KIFC3: variants seen among roughly 807,000 people sequenced by gnomAD.
KIFC3 encodes the protein kinesin-like protein KIFC3.
Under a neutral mutation model 101.8 loss-of-function variants are expected in KIFC3, and 60 were observed. The observed-to-expected ratio is 0.59, with a 90% CI of 0.48 to 0.73. The LOEUF (loss-of-function observed/expected upper bound fraction) is 0.73. KIFC3 is among the 30% of genes least tolerant of loss of function. The pLI is 0.00. For synonymous variants in KIFC3, 476 were observed against 482.7 expected (o/e 0.99, Z 0.18); for missense variants, 966 against 1,137.1 (o/e 0.85, Z 2.16).
intron 9 of KIFC3, among the ~76,000 whole-genome samples, chr16:57,767,681 C>T (rs1246775563): frequency 6.6e-6 from 1 of 152,058 alleles, no homozygotes; most frequent in African/African-American, 2.4e-5. Flanking sequence ...GTTGCCCAGG[C>T]TGGAAGTGCA....
chr16:57,862,207 T>C (rs1450913771), intron 1 of KIFC3, among the ~76,000 whole-genome samples: 1 of 151,182 alleles, frequency 6.6e-6, no homozygotes, highest in Non-Finnish European at 1.5e-5. Context: ...TTTTTTTTTT[T>C]TTTTAGTACA....
At chr16:57,831,760 C>A (rs184569932) in intron 1 of KIFC3, among the ~76,000 whole-genome samples, 3 of 152,186 alleles carry the variant, frequency 2.0e-5, no homozygotes, top group African/African-American at 7.2e-5. Context: ...TCCGTGGATA[C>A]AGCTGGTGAA....
chr16:57,837,706 G>T (rs2055724463), intron 1 of KIFC3, among the ~76,000 whole-genome samples: 1 of 152,164 alleles, frequency 6.6e-6, no homozygotes, highest in Non-Finnish European at 1.5e-5. Context: ...GGATGAGGGT[G>T]TGTCTGTTTC....
chr16:57,788,834 C>T lies in KIFC3; in HGVS notation c.315+6165G>A, dbSNP rs561661635. 4.6e-4 allele frequency: 433 copies of T among 941,282 alleles called. 5 individuals are homozygous for T. In the Middle Eastern group the frequency reaches 0.015, roughly 32 times the overall value. 58.3% of individuals were successfully genotyped at this position (941,282 alleles called of 1,614,324 possible). A position where few individuals can be genotyped will look rare whatever the true frequency, so the allele number is the denominator to read the frequency against. On this transcript the variant is annotated intron_variant, in intron 3 of 19. Coordinates refer to ENST00000445690, the MANE Select transcript of KIFC3 (RefSeq NM_001130100.2). ...TCCCAGGGCCCAGCGGGTCCAGTCC[C>T]TCCCTTTGTGGGTGGGTGGGGACGT...
At chr16:57,838,872 G>A (rs1417023650) in intron 1 of KIFC3, among the ~76,000 whole-genome samples, 1 of 152,094 alleles carries the variant, frequency 6.6e-6, no homozygotes, top group East Asian at 1.9e-4. Context: ...AAAAGGCACC[G>A]CCATGTGTAG....
In KIFC3 at chr16:57,758,901, G is replaced by A. The variant is rs374127529; in HGVS notation, c.*33C>T. The stretch of plus-strand genomic sequence containing the variant: ...CACATCCGTCACACAGGCAGTGGCC[G>A]CGACTTCCCTGCAGGGGCATGAGAT... On this transcript the variant is annotated 3_prime_UTR_variant, in exon 20 of 20. Transcript: ENST00000445690. The A allele has an allele frequency of 2.9e-5, 46 of 1,581,136 alleles. No individual in the cohort carries two copies. Among genetic ancestry groups the A allele is most frequent in the Non-Finnish European group, 3.5e-5 (41 of 1,163,170 alleles).
intron 3 of KIFC3, among the ~76,000 whole-genome samples, chr16:57,780,157 T>C (rs1038275382): frequency 2.0e-5 from 3 of 152,172 alleles, no homozygotes; most frequent in African/African-American, 7.2e-5. Context: ...CCAAACTGTA[T>C]CAGATGGTGA....
rs1389579040 is a variant in KIFC3 at position 57,798,212 on chromosome 16, C to A, written c.32G>T (p.Gly11Val). 1.9e-6 allele frequency: 3 copies of A among 1,547,798 alleles called. No individual in the cohort carries two copies. The highest frequency in any genetic ancestry group is 8.7e-7 in the Non-Finnish European group (1 of 1,146,700). The change falls in exon 2 of 20, where the codon GGA (glycine) becomes GTA (valine). Residue 11 changes from glycine to valine, a missense_variant. By Grantham distance (109) the Gly-to-Val change is moderately radical (BLOSUM62 -3). Coordinates refer to ENST00000445690, the MANE Select transcript of KIFC3 (RefSeq NM_001130100.2). ...CAGGCCCCGCAGCGAGGGCGTGGCT[C>A]CCAGGTTCCACGTCCTGCGAGAGGG... MVPSRRTWNL[G>V]ATPSLRGLWR...
chr16:57,788,698 T>C lies in KIFC3; in HGVS notation c.315+6301A>G, dbSNP rs1189661002. 3 of 1,289,490 alleles carry C rather than the reference T, an allele frequency of 2.3e-6. No homozygotes were observed. The African/African-American group carries it at 4.6e-5, about 20-fold the overall frequency. The allele number at this position is 1,289,490 out of a possible 1,614,324, so 79.9% of individuals were successfully genotyped here. ...CCCTGACTCTGGCTCTTGCACCCCT[T>C]GTCCTGCAGGGCCTGCTGCCAAGAC... On this transcript the variant is annotated intron_variant, in intron 3 of 19. Transcript: ENST00000445690.
In KIFC3 at chr16:57,762,120, G is replaced by C. The variant is rs545686061; in HGVS notation, c.1748+20C>G. 6.4e-7 allele frequency: 1 copy of C among 1,573,788 alleles called. No homozygotes were observed. Among genetic ancestry groups the C allele is most frequent in the Non-Finnish European group, 8.6e-7 (1 of 1,157,600 alleles). On this transcript the variant is annotated intron_variant, in intron 13 of 19. Transcript: ENST00000445690. ...CAAAGCTGCCCCTGAGGCCTGCTCC[G>C]CACACCCTGGGGCTCCCACCTGAGG... is the stretch of plus-strand genomic sequence containing the variant.
intron 3 of KIFC3, among the ~76,000 whole-genome samples, chr16:57,778,076 C>T (rs2052327341): frequency 6.6e-6 from 1 of 152,154 alleles, no homozygotes. Flanking sequence ...CCCAGGAGTT[C>T]AAGACCAGCC....
intron 1 of KIFC3, among the ~76,000 whole-genome samples, chr16:57,838,767 T>A (rs1241702131): frequency 6.6e-6 from 1 of 152,204 alleles, no homozygotes; most frequent in African/African-American, 2.4e-5. Context: ...GCCCTTGTCA[T>A]CTTTGCTTCC....
chr16:57,769,879 T>G lies in KIFC3; in HGVS notation c.1016A>C (p.Lys339Thr). 2 of 1,613,968 alleles carry G rather than the reference T, an allele frequency of 1.2e-6. No homozygotes were observed. Among genetic ancestry groups the G allele is most frequent in the African/African-American group, 2.7e-5 (2 of 75,050 alleles). Residue 339 changes from lysine (K) to threonine (T), a missense_variant, in exon 8 of 20, where the codon AAG (lysine) becomes ACG (threonine). Transcript: ENST00000445690. The surrounding 1 kb of genome is among the most constrained non-coding windows in gnomAD (Gnocchi z 4.3). Reference protein sequence around the residue: ...LEEMQSLEEDKNRAIEEAFAR... With the variant: ...LEEMQSLEEDTNRAIEEAFAR... ...AAAGGCCTCCTCAATGGCCCGGTTC[T>G]TGTCCTCTTCCAGGGACTGCATCTC...
intron 3 of KIFC3, among the ~76,000 whole-genome samples, chr16:57,783,811 G>C (rs1243889942): frequency 6.6e-6 from 1 of 152,180 alleles, no homozygotes; most frequent in Non-Finnish European, 1.5e-5. Flanking sequence ...GCAAAATGAA[G>C]TGTCTGAAAA....
In KIFC3 at chr16:57,775,198, C is replaced by T. The variant is rs782104393; in HGVS notation, c.316-2910G>A. ...GCACCCAAAAGGAAGTGGCCGCAAC[C>T]GCAACCAGGGCAGGCTGGGGAGCAT... On this transcript the variant is annotated intron_variant, in intron 3 of 19. Transcript: ENST00000445690. 9.7e-5 allele frequency: 129 copies of T among 1,334,774 alleles called. No individual in the cohort carries two copies. In the Middle Eastern group the frequency reaches 1.4e-3, roughly 15 times the overall value. The allele number at this position is 1,334,774 out of a possible 1,614,324, so 82.7% of individuals were successfully genotyped here.
intron 1 of KIFC3, among the ~76,000 whole-genome samples, chr16:57,852,563 C>T (rs2056079861): frequency 6.6e-6 from 1 of 152,162 alleles, no homozygotes; most frequent in African/African-American, 2.4e-5. Flanking sequence ...ACTGTTTTTC[C>T]TCTTCTATTA....
intron 1 of KIFC3, among the ~76,000 whole-genome samples, chr16:57,833,371 C>G (rs2149299076): frequency 6.6e-6 from 1 of 152,220 alleles, no homozygotes; most frequent in South Asian, 2.1e-4. Context: ...ACCAGGACCC[C>G]TTCCCCTAAT....
Position 57,802,284 on chromosome 16 carries a change from C to A in KIFC3, c.-40+86G>T, listed in dbSNP as rs2054782821. 4.2e-6 allele frequency: 3 copies of A among 721,924 alleles called. No homozygotes were observed. Among genetic ancestry groups the A allele is most frequent in the Non-Finnish European group, 3.4e-6 (2 of 589,164 alleles). 44.7% of individuals were successfully genotyped at this position (721,924 alleles called of 1,614,324 possible). ...GGGCAGAGGGGTCCCGAGGGCAGGGCCGGCCCGGACGCGGCGCCCCAAACG... is the reference window on the plus strand; with the variant it reads ...GGGCAGAGGGGTCCCGAGGGCAGGGACGGCCCGGACGCGGCGCCCCAAACG... On this transcript the variant is annotated intron_variant, in intron 1 of 19. Coordinates refer to ENST00000445690, the MANE Select transcript of KIFC3 (RefSeq NM_001130100.2). The surrounding 1 kb of genome is among the most constrained non-coding windows in gnomAD (Gnocchi z 5.0).
chr16:57,786,591 A>T (rs928752014), intron 3 of KIFC3, among the ~76,000 whole-genome samples: 1 of 152,118 alleles, frequency 6.6e-6, no homozygotes, highest in Non-Finnish European at 1.5e-5. Flanking sequence ...GATGTGACAG[A>T]GTGTGGCAGA....
Sources: gnomAD v4.1 joint callset for allele counts (sites outside exome capture counted in the v4.1 genomes callset) on GRCh38, gnomAD v4.1.1 for gene constraint, Gnocchi (gnomAD v3.1) non-coding constraint, MANE v1.5 for transcripts, NCBI Gene and HGNC (gene_info 2026-07-23, HGNC 2026-07-21) for gene names.